Variants in SPSB4 observed in about 807,000 individuals in gnomAD.
SPSB4 encodes the protein SPRY domain-containing SOCS box protein 4.
In SPSB4, 21 loss-of-function variants were observed where a neutral mutation model predicts 20.9. The observed-to-expected ratio is 1.01, with a 90% CI of 0.71 to 1.45. SPSB4 has a LOEUF of 1.45. SPSB4 is among the 40% of genes most tolerant of loss of function. The pLI, the probability that SPSB4 is intolerant of heterozygous loss-of-function variation, is 0.00. For missense variants in SPSB4, 399 were observed against 399.2 expected, an observed-to-expected ratio of 1.00 and a Z score of 0.00; for synonymous variants, 207 against 183.8, an observed-to-expected ratio of 1.13 and a Z score of -1.02.
At chr3:141,079,723 A>T (rs1310021028) in intron 2 of SPSB4, among the ~76,000 whole-genome samples, 2 of 152,356 alleles carry the variant, frequency 1.3e-5, no homozygotes, top group East Asian at 3.9e-4. Flanking sequence ...ATAAATGCTT[A>T]TGAAAATCCA....
chr3:141,103,723 G>A (rs1938647395), intron 2 of SPSB4, among the ~76,000 whole-genome samples: 1 of 152,134 alleles, frequency 6.6e-6, no homozygotes, highest in Non-Finnish European at 1.5e-5. Flanking sequence ...AACAGCCACA[G>A]CAAACAAGAA....
intron 2 of SPSB4, among the ~76,000 whole-genome samples, chr3:141,112,644 CAAA>C (rs60396514): frequency 0.024 from 788 of 32,744 alleles, 3 homozygotes; most frequent in Non-Finnish European, 0.036. Flanking sequence ...GACTCCGTCT[CAAA>C]AAAAAAAAAA....
At chr3:141,098,461 T>A (rs1938574691) in intron 2 of SPSB4, among the ~76,000 whole-genome samples, 2 of 152,228 alleles carry the variant, frequency 1.3e-5, no homozygotes, top group Admixed American at 1.3e-4. Flanking sequence ...TTTAGTATAT[T>A]TAATTTTTTT....
At chr3:141,139,910 A>T (rs190317543) in intron 2 of SPSB4, among the ~76,000 whole-genome samples, 3 of 152,230 alleles carry the variant, frequency 2.0e-5, no homozygotes, top group Admixed American at 6.5e-5. Flanking sequence ...GTTCTCCTGG[A>T]TAATATCCTG....
rs549031576 is a variant in SPSB4 at position 141,084,467 on chromosome 3, A to G, written c.694+17669A>G. ...CAGCACAGAGTAAGCTTAGCTTCCA[A>G]CAATGCTTGGCCCCCCTCCCCCTGC... On this transcript the variant is annotated intron_variant, in intron 2 of 2. Coordinates refer to ENST00000310546, the MANE Select transcript of SPSB4 (RefSeq NM_080862.3). Among the ~76,000 whole-genome samples, 141 of 152,336 alleles carry G rather than the reference A, an allele frequency of 9.3e-4. 1 individual carries two copies. The highest frequency in any genetic ancestry group is 3.2e-3 in the African/African-American group (134 of 41,566).
chr3:141,078,989 C>T (rs1312025798), intron 2 of SPSB4, among the ~76,000 whole-genome samples: 1 of 152,140 alleles, frequency 6.6e-6, no homozygotes, highest in Non-Finnish European at 1.5e-5. Flanking sequence ...GGGCCGGGCA[C>T]GGTGGCTCAT....
rs1393170755 is a variant in SPSB4 at position 141,138,365 on chromosome 3, G to T, written c.695-8777G>T. ...TCTGCTCTGATCTTAGTTATTTCTT[G>T]CCTTCTGCTAGCTTTTGAATGTGTT... On this transcript the variant is annotated intron_variant, in intron 2 of 2. Coordinates refer to ENST00000310546, the MANE Select transcript of SPSB4 (RefSeq NM_080862.3). Among the ~76,000 whole-genome samples the T allele has an allele frequency of 2.6e-5, 4 of 152,122 alleles. No homozygotes were observed. The East Asian group carries it at 7.7e-4, about 29-fold the overall frequency.
intron 2 of SPSB4, among the ~76,000 whole-genome samples, chr3:141,070,297 T>C (rs150486606): frequency 2.1e-4 from 32 of 152,190 alleles, no homozygotes; most frequent in South Asian, 1.0e-3. Flanking sequence ...TCTAAACACT[T>C]TACAATTTCT....
intron 2 of SPSB4, among the ~76,000 whole-genome samples, chr3:141,086,425 T>G (rs1315982716): frequency 6.6e-6 from 1 of 152,232 alleles, no homozygotes; most frequent in Non-Finnish European, 1.5e-5. Context: ...GTGCTTCAGT[T>G]TCCTTGCCTG....
intron 2 of SPSB4, among the ~76,000 whole-genome samples, chr3:141,121,998 T>C (rs1341446697): frequency 1.3e-5 from 2 of 152,242 alleles, no homozygotes; most frequent in African/African-American, 4.8e-5. Flanking sequence ...AGAGACGCTC[T>C]GGTTTTTGGA....
At chr3:141,131,414 A>G (rs1939127747) in intron 2 of SPSB4, among the ~76,000 whole-genome samples, 3 of 152,126 alleles carry the variant, frequency 2.0e-5, no homozygotes, top group African/African-American at 7.2e-5. Context: ...GTGCTGCTTG[A>G]TGATGTTTAC....
rs60396514 is a variant in SPSB4, at chr3:141,112,644, C to CAAAAAAAAA, written c.695-34481_695-34473dup. ...TGGGCGACAGAGCGAGACTCCGTCT[C>CAAAAAAAAA]AAAAAAAAAAAAAAAAAAAAAAAAA... On this transcript the variant is annotated intron_variant, in intron 2 of 2. Coordinates refer to ENST00000310546, the MANE Select transcript of SPSB4 (RefSeq NM_080862.3). Among the ~76,000 whole-genome samples the CAAAAAAAAA allele has an allele frequency of 7.5e-3, 247 of 32,866 alleles. 7 individuals carry two copies. Among genetic ancestry groups the CAAAAAAAAA allele is most frequent in the Non-Finnish European group, 8.9e-3 (145 of 16,264 alleles). The allele number at this position is 32,866 out of a possible 152,430, so 21.6% of individuals were successfully genotyped here. A position where few individuals can be genotyped will look rare whatever the true frequency, so the allele number is the denominator to read the frequency against.
chr3:141,098,150 C>A (rs754141010), intron 2 of SPSB4, among the ~76,000 whole-genome samples: 1 of 152,324 alleles, frequency 6.6e-6, no homozygotes, highest in Admixed American at 6.5e-5. Flanking sequence ...AGTCCTTCAC[C>A]GGTACCAAGT....
intron 2 of SPSB4, among the ~76,000 whole-genome samples, chr3:141,135,811 A>C (rs1267979841): frequency 6.6e-6 from 1 of 152,024 alleles, no homozygotes; most frequent in Non-Finnish European, 1.5e-5. Context: ...ATACGTGTGC[A>C]TGTGTCTTTA....
At chr3:141,141,292 G>A (rs768236269) in intron 2 of SPSB4, among the ~76,000 whole-genome samples, 12 of 152,190 alleles carry the variant, frequency 7.9e-5, no homozygotes, top group Admixed American at 2.6e-4. Context: ...GTGAGGCGAC[G>A]CCTCGCCCTG....
chr3:141,130,369 C>T (rs1311464287), intron 2 of SPSB4, among the ~76,000 whole-genome samples: 1 of 152,182 alleles, frequency 6.6e-6, no homozygotes, highest in Non-Finnish European at 1.5e-5. Flanking sequence ...AGGCTTCGGA[C>T]ACCAAAACCA....
intron 2 of SPSB4, among the ~76,000 whole-genome samples, chr3:141,104,646 G>A (rs923673871): frequency 7.9e-5 from 12 of 152,204 alleles, no homozygotes; most frequent in Non-Finnish European, 1.6e-4. Context: ...AGTGGTGTCT[G>A]CAGACTTTGC....
chr3:141,055,108 G>A (rs1386005552), intron 1 of SPSB4, among the ~76,000 whole-genome samples: 1 of 152,250 alleles, frequency 6.6e-6, no homozygotes, highest in Admixed American at 6.5e-5. Flanking sequence ...GTTGGGCACT[G>A]GCTCCATTAA....
At chr3:141,137,279 T>C (rs188087790) in intron 2 of SPSB4, among the ~76,000 whole-genome samples, 259 of 152,360 alleles carry the variant, frequency 1.7e-3, no homozygotes, top group Non-Finnish European at 3.0e-3. Flanking sequence ...AATCATGTCA[T>C]CTGCAAACAG....
Sources: gnomAD v4.1 joint callset for allele counts (sites outside exome capture counted in the v4.1 genomes callset) on GRCh38, gnomAD v4.1.1 for gene constraint, MANE v1.5 for transcripts, NCBI Gene and HGNC (gene_info 2026-07-23, HGNC 2026-07-21) for gene names.